Variants in DEPDC1B observed in about 807,000 individuals in gnomAD.
DEPDC1B encodes DEP domain-containing protein 1B.
DEPDC1B carries 51 observed loss-of-function variants against 66.5 expected under a neutral mutation model. The observed-to-expected ratio is 0.77, with a 90% CI of 0.61 to 0.97. The LOEUF (loss-of-function observed/expected upper bound fraction) is 0.97. Among genes scored for constraint, DEPDC1B ranks in the 50% least tolerant of loss-of-function variants. The pLI is 0.00. For missense variants in DEPDC1B, 552 were observed against 637.1 expected, an observed-to-expected ratio of 0.87 and a Z score of 1.44; for synonymous variants, 226 against 223.6, an observed-to-expected ratio of 1.01 and a Z score of -0.10.
In DEPDC1B at chr5:60,661,704, C is replaced by T. The variant is rs562118642; in HGVS notation, c.315-14171G>A. Among the ~76,000 whole-genome samples, 15 of 152,182 alleles carry T rather than the reference C, an allele frequency of 9.9e-5. No individual in the cohort carries two copies. The South Asian group carries it at 2.1e-3, about 21-fold the overall frequency. ...TACTAACCCTAAATAAGAAAAGTGC[C>T]GCCATAACTGCAGCCCGAGAGTTTG... On this transcript the variant is annotated intron_variant, in intron 2 of 10. Transcript: ENST00000265036.
chr5:60,599,782 C>T (rs1752167457), intron 9 of DEPDC1B, among the ~76,000 whole-genome samples: 1 of 152,252 alleles, frequency 6.6e-6, no homozygotes, highest in Non-Finnish European at 1.5e-5. Flanking sequence ...TCACCCACCC[C>T]TTTATTTCCC....
intron 7 of DEPDC1B, among the ~76,000 whole-genome samples, chr5:60,615,440 T>A (rs1752524468): frequency 6.6e-6 from 1 of 152,188 alleles, no homozygotes; most frequent in Admixed American, 6.5e-5. Context: ...ATCGGGTCAC[T>A]CTCACCCTAA....
chr5:60,599,607 G>A (rs1163988994), intron 9 of DEPDC1B, among the ~76,000 whole-genome samples: 1 of 152,176 alleles, frequency 6.6e-6, no homozygotes, highest in Non-Finnish European at 1.5e-5. Flanking sequence ...TGATGCCCAT[G>A]CTGGAAGGTT....
At chr5:60,691,088 G>GTA (rs1652392219) in intron 1 of DEPDC1B, among the ~76,000 whole-genome samples, 1 of 146,768 alleles carries the variant, frequency 6.8e-6, no homozygotes, top group African/African-American at 2.6e-5. Flanking sequence ...GAGTCTCACC[G>GTA]TATAGTCCAG....
chr5:60,644,758 A>G lies in DEPDC1B; in HGVS notation c.696T>C (p.Leu232=). 3.8e-6 allele frequency: 6 copies of G among 1,591,872 alleles called. No homozygotes were observed. Among genetic ancestry groups the G allele is most frequent in the Non-Finnish European group, 2.6e-6 (3 of 1,171,688 alleles). ...TTATGCACTTACTTGACTTGTCATC[A>G]AGAATAACAACTCCCTGCTTGCTAA... ...YSVSKQGVVI[L]DDKSKELPHW... is the part of the protein sequence containing the mutation. Residue 232 remains leucine (L), a synonymous_variant, in exon 5 of 11, where the codon CTT becomes CTC. Transcript: ENST00000265036.
intron 7 of DEPDC1B, among the ~76,000 whole-genome samples, chr5:60,621,979 A>G (rs1752714006): frequency 6.6e-6 from 1 of 152,152 alleles, no homozygotes; most frequent in Admixed American, 6.5e-5. Context: ...TTTATGAGTT[A>G]TATTAAATAA....
intron 7 of DEPDC1B, among the ~76,000 whole-genome samples, chr5:60,627,518 A>C (rs1228819271): frequency 4.6e-5 from 7 of 152,074 alleles, no homozygotes; most frequent in African/African-American, 1.7e-4. Context: ...ATAAGCTAGA[A>C]TAACTTTTTC....
At chr5:60,638,719 G>A in intron 7 of DEPDC1B, 31 bp downstream of exon 7, 1 of 1,565,502 alleles carries the variant, frequency 6.4e-7, no homozygotes, top group Non-Finnish European at 8.7e-7. Context: ...TATCAGTGAT[G>A]TAGATATATG....
rs563611147 is a variant in DEPDC1B, at chr5:60,652,113, C to A, written c.315-4580G>T. ...ATGCTGAGTGAGGTAGCCAAATATGCATATTTAATAAGCTAAAGGAAGAGT... is the reference window on the plus strand; with the variant it reads ...ATGCTGAGTGAGGTAGCCAAATATGAATATTTAATAAGCTAAAGGAAGAGT... On this transcript the variant is annotated intron_variant, in intron 2 of 10. Coordinates refer to ENST00000265036, the MANE Select transcript of DEPDC1B (RefSeq NM_018369.3). Among the ~76,000 whole-genome samples the A allele has an allele frequency of 1.1e-4, 17 of 149,306 alleles. 2 individuals carry two copies. In the South Asian group the frequency reaches 3.6e-3, roughly 31 times the overall value.
intron 2 of DEPDC1B, among the ~76,000 whole-genome samples, chr5:60,651,859 A>G (rs1053940955): frequency 2.6e-5 from 4 of 152,240 alleles, no homozygotes; most frequent in Admixed American, 2.0e-4. Context: ...CAAATTTCCC[A>G]GGATGAATGA....
chr5:60,606,203 T>C (rs550419625), intron 7 of DEPDC1B, among the ~76,000 whole-genome samples: 10 of 152,172 alleles, frequency 6.6e-5, no homozygotes, highest in Admixed American at 6.5e-4. Flanking sequence ...AAGTCCAAAA[T>C]AGCAAGAACG....
intron 1 of DEPDC1B, among the ~76,000 whole-genome samples, chr5:60,698,411 A>G (rs1178750205): frequency 6.6e-6 from 1 of 152,230 alleles, no homozygotes; most frequent in African/African-American, 2.4e-5. Flanking sequence ...CGTTGGAACC[A>G]TGAGACCACT....
chr5:60,677,557 G>T (rs1458914775), intron 2 of DEPDC1B, among the ~76,000 whole-genome samples: 8 of 151,168 alleles, frequency 5.3e-5, no homozygotes, highest in Non-Finnish European at 7.4e-5. Flanking sequence ...TTTTTTATGA[G>T]ACAAGGTCTC....
chr5:60,689,640 A>G (rs1357246348), intron 1 of DEPDC1B, among the ~76,000 whole-genome samples: 1 of 152,136 alleles, frequency 6.6e-6, no homozygotes, highest in Admixed American at 6.5e-5. Context: ...AAAGAATCTC[A>G]TAAGTACTTG....
rs561814369 is a variant in DEPDC1B at position 60,655,534 on chromosome 5, C to A, written c.315-8001G>T. On this transcript the variant is annotated intron_variant, in intron 2 of 10. Coordinates refer to ENST00000265036, the MANE Select transcript of DEPDC1B (RefSeq NM_018369.3). ...GTCTCTCTTTTCTTGGTTAATCTTACTAATGGTCTATTGATTTTGTTTATC... is the reference window on the plus strand; with the variant it reads ...GTCTCTCTTTTCTTGGTTAATCTTAATAATGGTCTATTGATTTTGTTTATC... Among the ~76,000 whole-genome samples, 3 of 149,150 alleles carry A rather than the reference C, an allele frequency of 2.0e-5. 1 individual carries two copies. The South Asian group carries it at 6.6e-4, about 33-fold the overall frequency.
intron 1 of DEPDC1B, among the ~76,000 whole-genome samples, chr5:60,690,608 T>C (rs1445941085): frequency 6.6e-6 from 1 of 152,232 alleles, no homozygotes; most frequent in Admixed American, 6.5e-5. Context: ...TCATTTTCTC[T>C]TACTCTTCTC....
chr5:60,691,159 T>A (rs1377220933), intron 1 of DEPDC1B, among the ~76,000 whole-genome samples: 1 of 152,016 alleles, frequency 6.6e-6, no homozygotes, highest in East Asian at 1.9e-4. Context: ...GTTCAAGCGA[T>A]TCTCCTGCCT....
chr5:60,626,959 G>C (rs1486891687), intron 7 of DEPDC1B, among the ~76,000 whole-genome samples: 1 of 152,074 alleles, frequency 6.6e-6, no homozygotes, highest in Non-Finnish European at 1.5e-5. Flanking sequence ...TGGGAAAAGG[G>C]CTGAGGTTGG....
chr5:60,640,838 G>C (rs1179992198), intron 6 of DEPDC1B, among the ~76,000 whole-genome samples: 1 of 152,178 alleles, frequency 6.6e-6, no homozygotes, highest in East Asian at 1.9e-4. Flanking sequence ...ATTAAGGATA[G>C]GATGGACAAG....
Sources: allele counts gnomAD v4.1 joint callset (sites outside exome capture counted in the v4.1 genomes callset), GRCh38; gene constraint gnomAD v4.1.1; transcripts MANE v1.5; gene names NCBI Gene and HGNC (gene_info 2026-07-23, HGNC 2026-07-21).